Variants in AUTS2 observed in about 807,000 individuals in gnomAD.
AUTS2 encodes the protein activator of transcription and developmental regulator AUTS2, also known as autism susceptibility gene 2 protein.
In AUTS2, 17 loss-of-function variants were observed where a neutral mutation model predicts 112.4. The ratio of observed to expected loss-of-function variants is 0.15; its 90% CI spans 0.10 to 0.23. The LOEUF (loss-of-function observed/expected upper bound fraction) is 0.23. Ranked by LOEUF, AUTS2 falls within the 10% of genes least tolerant of loss-of-function variation. The pLI is 1.00. For missense variants in AUTS2, 1,510 were observed against 1,701.6 expected, an observed-to-expected ratio of 0.89 and a Z score of 1.98; for synonymous variants, 751 against 702.7, an observed-to-expected ratio of 1.07 and a Z score of -1.09.
At chr7:70,769,617 G>A (rs1280626505) in intron 10 of AUTS2, among the ~76,000 whole-genome samples, 9 of 152,284 alleles carry the variant, frequency 5.9e-5, no homozygotes, top group South Asian at 4.1e-4. Context: ...CCCGGGAGGC[G>A]GAGCTTGCAG....
intron 1 of AUTS2, among the ~76,000 whole-genome samples, chr7:69,882,361 C>G (rs1438848104): frequency 6.6e-6 from 1 of 151,578 alleles, no homozygotes. Flanking sequence ...AAAAATAGGC[C>G]AAGTAATACA....
intron 1 of AUTS2, among the ~76,000 whole-genome samples, chr7:69,790,402 G>GA (rs1357914733): frequency 6.6e-6 from 1 of 152,214 alleles, no homozygotes; most frequent in East Asian, 1.9e-4. Context: ...GGTGTTTAGG[G>GA]AAGGGGATGA....
At chr7:70,364,763 T>C (rs1476136765) in intron 4 of AUTS2, among the ~76,000 whole-genome samples, 3 of 152,140 alleles carry the variant, frequency 2.0e-5, no homozygotes, top group African/African-American at 7.2e-5. Flanking sequence ...AAACATTTAG[T>C]TAACTCTCTC....
intron 4 of AUTS2, among the ~76,000 whole-genome samples, chr7:70,362,888 C>T (rs934595734): frequency 2.6e-5 from 4 of 152,246 alleles, no homozygotes; most frequent in Admixed American, 2.0e-4. Context: ...ATGGAGGTGT[C>T]CACAGTAAGC....
At chr7:70,484,292 T>A (rs1432303024) in intron 5 of AUTS2, among the ~76,000 whole-genome samples, 1 of 152,244 alleles carries the variant, frequency 6.6e-6, no homozygotes, top group Non-Finnish European at 1.5e-5. Flanking sequence ...TGACTGGTTC[T>A]CTACTCTACT....
chr7:70,310,151 C>T (rs1243312686), intron 4 of AUTS2, among the ~76,000 whole-genome samples: 2 of 142,906 alleles, frequency 1.4e-5, no homozygotes, highest in Non-Finnish European at 1.5e-5. Context: ...TTTTTTTTGG[C>T]CCAGATTTTC....
At chr7:70,290,456 C>T in intron 4 of AUTS2, 1 of 1,539,196 alleles carries the variant, frequency 6.5e-7, no homozygotes, top group Non-Finnish European at 8.8e-7. Context: ...TCATCCTGGG[C>T]CAGTAATAGG....
chr7:70,668,748 G>A (rs1219467914), intron 5 of AUTS2, among the ~76,000 whole-genome samples: 3 of 152,220 alleles, frequency 2.0e-5, no homozygotes, highest in Middle Eastern at 3.2e-3. Context: ...CTGGGTGAAC[G>A]CATGACATAA....
In AUTS2 at chr7:69,986,257, C is replaced by A. The variant is rs138099740; in HGVS notation, c.522+86759C>A. Reference sequence around the variant, plus strand: ...TTATTAACTGTTACATCCCCAGCACCTAGTGCTATGCCTAGCAGTGAGTAA... The same window carrying A: ...TTATTAACTGTTACATCCCCAGCACATAGTGCTATGCCTAGCAGTGAGTAA... On this transcript the variant is annotated intron_variant, in intron 2 of 18. Coordinates refer to ENST00000342771, the MANE Select transcript of AUTS2 (RefSeq NM_015570.4). 3.0e-3 allele frequency among the ~76,000 whole-genome samples: 452 copies of A among 152,302 alleles called. 1 individual carries two copies. Among genetic ancestry groups the A allele is most frequent in the Middle Eastern group, 6.8e-3 (2 of 294 alleles).
chr7:69,622,945 G>A (rs1321228545), intron 1 of AUTS2, among the ~76,000 whole-genome samples: 1 of 152,164 alleles, frequency 6.6e-6, no homozygotes, highest in East Asian at 1.9e-4. Context: ...TGGGTGGATG[G>A]ATGGAGATAT....
At chr7:70,314,725 A>G (rs1789917097) in intron 4 of AUTS2, among the ~76,000 whole-genome samples, 1 of 152,206 alleles carries the variant, frequency 6.6e-6, no homozygotes, top group Non-Finnish European at 1.5e-5. Flanking sequence ...CATCTCCGCC[A>G]TTTAACATGA....
intron 1 of AUTS2, among the ~76,000 whole-genome samples, chr7:69,754,995 G>C (rs187948745): frequency 6.6e-6 from 1 of 152,300 alleles, no homozygotes; most frequent in Admixed American, 6.5e-5. Flanking sequence ...GTAAGGACTA[G>C]TCTGTTAATA....
In AUTS2 at chr7:69,730,019, T is replaced by TTTTTTTTTTTTTTA. The variant is rs10684332; in HGVS notation, c.309+130057_309+130058insTTTTTTTTTTTTTA. On this transcript the variant is annotated intron_variant, in intron 1 of 18. Coordinates refer to ENST00000342771, the MANE Select transcript of AUTS2 (RefSeq NM_015570.4). ...ATTTTTTTTTTTTTTTTTTTTTTTTTAGAAACTAGGTCTTCCTAAGTAAGT... is the reference window on the plus strand; with the variant it reads ...ATTTTTTTTTTTTTTTTTTTTTTTTTTTTTTTTTTTTTTAAGAAACTAGGTCTTCCTAAGTAAGT... Among the ~76,000 whole-genome samples, 80 of 132,046 alleles carry TTTTTTTTTTTTTTA rather than the reference T, an allele frequency of 6.1e-4. 3 individuals are homozygous for TTTTTTTTTTTTTTA. Among genetic ancestry groups the TTTTTTTTTTTTTTA allele is most frequent in the Middle Eastern group, 3.7e-3 (1 of 270 alleles). The allele number at this position is 132,046 out of a possible 152,430, so 86.6% of individuals were successfully genotyped here. A position where few individuals can be genotyped will look rare whatever the true frequency, so the allele number is the denominator to read the frequency against.
chr7:70,438,851 C>T (rs1050425993), intron 5 of AUTS2, among the ~76,000 whole-genome samples: 1 of 152,170 alleles, frequency 6.6e-6, no homozygotes, highest in African/African-American at 2.4e-5. Flanking sequence ...TCAGCAAGCC[C>T]CACCAGGGAT....
intron 1 of AUTS2, among the ~76,000 whole-genome samples, chr7:69,897,596 A>C (rs1002178457): frequency 4.6e-5 from 7 of 151,824 alleles, no homozygotes; most frequent in African/African-American, 1.5e-4. Flanking sequence ...AAAAAAAAAA[A>C]AAAACAAAAA....
At chr7:70,494,639 T>A (rs1798379108) in intron 5 of AUTS2, among the ~76,000 whole-genome samples, 1 of 148,804 alleles carries the variant, frequency 6.7e-6, no homozygotes, top group Admixed American at 6.7e-5. Context: ...CTCTGCAGCC[T>A]CCAACTCCAC....
intron 5 of AUTS2, among the ~76,000 whole-genome samples, chr7:70,597,143 T>C (rs1803248917): frequency 6.6e-6 from 1 of 152,214 alleles, no homozygotes; most frequent in Non-Finnish European, 1.5e-5. Flanking sequence ...TGTGAGTGCC[T>C]TGCTCAAGCA....
chr7:70,419,281 CT>C (rs1270840179), intron 4 of AUTS2, among the ~76,000 whole-genome samples: 1 of 152,124 alleles, frequency 6.6e-6, no homozygotes, highest in Admixed American at 6.5e-5. Context: ...TTTATGAAGT[CT>C]GTGTACTAGG....
At chr7:69,939,345 CT>C in intron 2 of AUTS2, among the ~76,000 whole-genome samples, 1 of 152,124 alleles carries the variant, frequency 6.6e-6, no homozygotes, top group Non-Finnish European at 1.5e-5. Flanking sequence ...TAGGCTTAAA[CT>C]ATTCTTATTT....
Sources: allele counts gnomAD v4.1 joint callset (sites outside exome capture counted in the v4.1 genomes callset), GRCh38; gene constraint gnomAD v4.1.1; transcripts MANE v1.5; gene names NCBI Gene and HGNC (gene_info 2026-07-23, HGNC 2026-07-21).